Variants in AFG2A observed in about 807,000 individuals in gnomAD.
AFG2A encodes the protein AAA ATPase AFG2A, also known as ATPase family gene 2 protein homolog A.
At chr4:123,080,702 C>G in the AFG2A span, among the ~76,000 whole-genome samples, 1 of 152,056 alleles carries the variant, frequency 6.6e-6, no homozygotes, top group African/African-American at 2.4e-5. Context: ...CTCCAGTTGT[C>G]CCACAGGACA....
chr4:123,266,201 A>T, the AFG2A span, among the ~76,000 whole-genome samples: 7 of 152,020 alleles, frequency 4.6e-5, no homozygotes, highest in African/African-American at 1.7e-4. Flanking sequence ...TACTATATGA[A>T]ATTGAATTAT....
the AFG2A span, among the ~76,000 whole-genome samples, chr4:123,231,296 G>T: frequency 6.6e-6 from 1 of 151,964 alleles, no homozygotes; most frequent in Non-Finnish European, 1.5e-5. Context: ...TGCAATTTCT[G>T]TATCATCACT....
At chr4:122,947,479 A>G in the AFG2A span, 1 of 1,610,526 alleles carries the variant, frequency 6.2e-7, no homozygotes, top group Non-Finnish European at 8.5e-7. Flanking sequence ...AGTCTTGTGT[A>G]ATGAAGCAGG....
At chr4:123,272,633 C>T in the AFG2A span, among the ~76,000 whole-genome samples, 4 of 152,166 alleles carry the variant, frequency 2.6e-5, no homozygotes, top group South Asian at 2.1e-4. Flanking sequence ...GAGATACAGG[C>T]ATCGTAGCCT....
the AFG2A span, among the ~76,000 whole-genome samples, chr4:123,132,043 A>G: frequency 6.6e-6 from 1 of 152,106 alleles, no homozygotes. Flanking sequence ...TGTGATCTGT[A>G]CTTCCCTAAT....
chr4:123,018,106 G>A, the AFG2A span, among the ~76,000 whole-genome samples: 5 of 152,096 alleles, frequency 3.3e-5, no homozygotes, highest in African/African-American at 4.8e-5. Flanking sequence ...TGTTGTTGTT[G>A]TTTTATTTTG....
chr4:123,018,471 G>A, the AFG2A span, among the ~76,000 whole-genome samples: 1 of 152,100 alleles, frequency 6.6e-6, no homozygotes, highest in Non-Finnish European at 1.5e-5. Flanking sequence ...AAGATGAGAG[G>A]TGTTGAAAGA....
chr4:123,037,111 A>G, the AFG2A span, among the ~76,000 whole-genome samples: 2 of 152,082 alleles, frequency 1.3e-5, no homozygotes, highest in Non-Finnish European at 2.9e-5. Flanking sequence ...GTAATAACTA[A>G]AAGCACCAGG....
At chr4:123,094,924 T>A in the AFG2A span, among the ~76,000 whole-genome samples, 1 of 151,064 alleles carries the variant, frequency 6.6e-6, no homozygotes, top group Non-Finnish European at 1.5e-5. Context: ...CCTTGTGACC[T>A]GTCCTACACC....
At chr4:123,092,754 T>C in the AFG2A span, among the ~76,000 whole-genome samples, 1 of 152,168 alleles carries the variant, frequency 6.6e-6, no homozygotes, top group Non-Finnish European at 1.5e-5. Flanking sequence ...TCACTTGTGA[T>C]TGGGGCTGAG....
At chr4:123,020,173 A>G in the AFG2A span, among the ~76,000 whole-genome samples, 2 of 151,896 alleles carry the variant, frequency 1.3e-5, no homozygotes, top group African/African-American at 4.8e-5. Flanking sequence ...ATGCTTTTAT[A>G]TATACATACA....
the AFG2A span, among the ~76,000 whole-genome samples, chr4:123,070,814 A>G: frequency 6.6e-6 from 1 of 152,330 alleles, no homozygotes; most frequent in South Asian, 2.1e-4. Flanking sequence ...TTTGAACCCA[A>G]GCATATTAAA....
At chr4:123,059,430 T>A in the AFG2A span, among the ~76,000 whole-genome samples, 1 of 151,566 alleles carries the variant, frequency 6.6e-6, no homozygotes, top group Non-Finnish European at 1.5e-5. Flanking sequence ...TGAGATAGTT[T>A]ACTGAGAATG....
chr4:123,019,523 A>G, the AFG2A span, among the ~76,000 whole-genome samples: 4 of 152,286 alleles, frequency 2.6e-5, no homozygotes, highest in South Asian at 6.2e-4. Flanking sequence ...CTTGTAGGCT[A>G]TACTTCTTAT....
the AFG2A span, among the ~76,000 whole-genome samples, chr4:123,011,135 C>T: frequency 6.6e-6 from 1 of 152,180 alleles, no homozygotes; most frequent in African/African-American, 2.4e-5. Context: ...TTATTCTTCC[C>T]CATGGGGGAG....
the AFG2A span, among the ~76,000 whole-genome samples, chr4:123,136,193 A>G: frequency 6.6e-6 from 1 of 152,292 alleles, no homozygotes; most frequent in South Asian, 2.1e-4. Context: ...ATGATCACCC[A>G]CGACATTGTC....
At chr4:123,248,965 T>C in the AFG2A span, among the ~76,000 whole-genome samples, 10 of 152,280 alleles carry the variant, frequency 6.6e-5, no homozygotes, top group African/African-American at 2.4e-4. Flanking sequence ...ACATGCCATA[T>C]GCCAAACACT....
the AFG2A span, among the ~76,000 whole-genome samples, chr4:123,116,021 A>G: frequency 3.3e-5 from 5 of 151,782 alleles, no homozygotes; most frequent in Non-Finnish European, 7.4e-5. Flanking sequence ...TGCCTTAGCC[A>G]CCCAAGTAGC....
At chr4:122,924,814 G>C in the AFG2A span, among the ~76,000 whole-genome samples, 1 of 151,950 alleles carries the variant, frequency 6.6e-6, no homozygotes, top group Non-Finnish European at 1.5e-5. Context: ...ATAGGTCACA[G>C]ATCAGCACTT....
Sources: gnomAD v4.1 joint callset for allele counts (sites outside exome capture counted in the v4.1 genomes callset) on GRCh38, gnomAD v4.1.1 for gene constraint, MANE v1.5 for transcripts, NCBI Gene and HGNC (gene_info 2026-07-23, HGNC 2026-07-21) for gene names.